KCNJ5: variants seen among roughly 807,000 people sequenced by gnomAD.
KCNJ5 encodes the protein G protein-activated inward rectifier potassium channel 4.
A neutral mutation model predicts 20.2 loss-of-function variants in KCNJ5; 12 were observed. The observed-to-expected ratio is 0.59, with a 90% confidence interval of 0.38 to 0.96. The LOEUF is 0.96. Among genes scored for constraint, KCNJ5 ranks in the 40% least tolerant of loss-of-function variants. The pLI is 0.00. For synonymous variants in KCNJ5, 210 were observed against 213.9 expected, an observed-to-expected ratio of 0.98 and a Z score of 0.16; for missense variants, 449 against 557.6, an observed-to-expected ratio of 0.81 and a Z score of 1.96.
At chr11:128,904,764 T>C (rs1944367601) in intron 1 of KCNJ5, among the ~76,000 whole-genome samples, 2 of 144,522 alleles carry the variant, frequency 1.4e-5, no homozygotes, top group Middle Eastern at 3.3e-3. Flanking sequence ...CGCTGACTAA[T>C]TGACTGAGTG....
chr11:128,916,833 G>A lies in KCNJ5; in HGVS notation c.*102G>A. On this transcript the variant is annotated 3_prime_UTR_variant, in exon 3 of 3. Coordinates refer to ENST00000529694, the MANE Select transcript of KCNJ5 (RefSeq NM_000890.5). ...GGGAATAGTTGAGTGTGCTGTTTGGGGGCTCAGGAGCCATCAAGGCTGTGG... is the reference window on the plus strand; with the variant it reads ...GGGAATAGTTGAGTGTGCTGTTTGGAGGCTCAGGAGCCATCAAGGCTGTGG... The A allele has an allele frequency of 1.1e-6, 1 of 900,612 alleles. No homozygotes were observed. Among genetic ancestry groups the A allele is most frequent in the South Asian group, 1.7e-5 (1 of 57,294 alleles). The allele number at this position is 900,612 out of a possible 1,614,324, so 55.8% of individuals were successfully genotyped here. A position where few individuals can be genotyped will look rare whatever the true frequency, so the allele number is the denominator to read the frequency against.
intron 1 of KCNJ5, chr11:128,903,300 G>A: frequency 6.4e-7 from 1 of 1,564,168 alleles, no homozygotes; most frequent in South Asian, 1.1e-5. Flanking sequence ...CCTACTAATT[G>A]CACGTGACCA....
chr11:128,903,256 T>C (rs1944322335), intron 1 of KCNJ5: 1 of 1,264,996 alleles, frequency 7.9e-7, no homozygotes, highest in African/African-American at 1.5e-5. Flanking sequence ...AATGAAGCTC[T>C]AAGACATCCC....
At chr11:128,904,516 C>T (rs756237818) in intron 1 of KCNJ5, 2 of 1,518,182 alleles carry the variant, frequency 1.3e-6, no homozygotes, top group South Asian at 1.1e-5. Context: ...GCGTCCAGGG[C>T]GGAGAGGTCG....
chr11:128,902,095 G>A lies in KCNJ5; in HGVS notation c.-10-9169G>A, dbSNP rs564266897. The A allele has an allele frequency of 5.4e-4, 91 of 170,016 alleles. No individual in the cohort carries two copies. In the South Asian group the frequency reaches 9.7e-3, roughly 18 times the overall value. 10.5% of individuals were successfully genotyped at this position (170,016 alleles called of 1,614,324 possible). On this transcript the variant is annotated intron_variant, in intron 1 of 2. Coordinates refer to ENST00000529694, the MANE Select transcript of KCNJ5 (RefSeq NM_000890.5). ...GGGGCATTCTGCTTCGAGAAGAGGC[G>A]GAAGAGCTGTGCATGCCTGGAGCCC...
chr11:128,912,797 C>T (rs1471145868), intron 2 of KCNJ5, among the ~76,000 whole-genome samples: 1 of 152,214 alleles, frequency 6.6e-6, no homozygotes, highest in Non-Finnish European at 1.5e-5. Context: ...GCGTGAGCCA[C>T]AGTGCCCAGC....
intron 1 of KCNJ5, chr11:128,904,603 A>T (rs1248190297): frequency 1.2e-6 from 1 of 806,232 alleles, no homozygotes; most frequent in Non-Finnish European, 2.2e-6. Flanking sequence ...GACTCTGGAA[A>T]CCCCAGACCT....
intron 1 of KCNJ5, among the ~76,000 whole-genome samples, chr11:128,892,381 G>C (rs148507442): frequency 6.6e-6 from 1 of 152,090 alleles, no homozygotes; most frequent in Non-Finnish European, 1.5e-5. Flanking sequence ...AGAGCTGTTG[G>C]CCCCCTGGTT....
intron 1 of KCNJ5, among the ~76,000 whole-genome samples, chr11:128,898,653 C>T (rs1381078070): frequency 6.6e-6 from 1 of 152,140 alleles, no homozygotes; most frequent in Non-Finnish European, 1.5e-5. Context: ...TTCTTTCATT[C>T]TCAACTCCTT....
chr11:128,913,085 G>A (rs1944526301), intron 2 of KCNJ5, among the ~76,000 whole-genome samples: 1 of 152,186 alleles, frequency 6.6e-6, no homozygotes, highest in South Asian at 2.1e-4. Flanking sequence ...CTTACCCACT[G>A]AGTCTCATCA....
At chr11:128,896,397 G>C (rs1944177426) in intron 1 of KCNJ5, among the ~76,000 whole-genome samples, 1 of 152,136 alleles carries the variant, frequency 6.6e-6, no homozygotes, top group Admixed American at 6.5e-5. Flanking sequence ...ATCACCAGGA[G>C]GACCTCTTAT....
rs952009599 is a variant in KCNJ5 at position 128,916,881 on chromosome 11, T to C, written c.*150T>C. The C allele has an allele frequency of 3.1e-6, 2 of 654,624 alleles. No homozygotes were observed. The highest frequency in any genetic ancestry group is 3.7e-5 in the African/African-American group (2 of 54,708). The allele number at this position is 654,624 out of a possible 1,614,324, so 40.6% of individuals were successfully genotyped here. On this transcript the variant is annotated 3_prime_UTR_variant, in exon 3 of 3. Coordinates refer to ENST00000529694, the MANE Select transcript of KCNJ5 (RefSeq NM_000890.5). Reference sequence around the variant, plus strand: ...TGGGGAGGAACCATAAACCCAGCCCTCACAGCTCCCAGCACAGGGCCTCCC... The same window carrying C: ...TGGGGAGGAACCATAAACCCAGCCCCCACAGCTCCCAGCACAGGGCCTCCC...
At chr11:128,892,728 A>G (rs528794132) in intron 1 of KCNJ5, among the ~76,000 whole-genome samples, 2 of 152,228 alleles carry the variant, frequency 1.3e-5, no homozygotes, top group Non-Finnish European at 2.9e-5. Flanking sequence ...CCTCGTTTTC[A>G]TCAAAAGCCA....
chr11:128,913,012 C>T (rs983286263), intron 2 of KCNJ5, among the ~76,000 whole-genome samples: 2 of 152,200 alleles, frequency 1.3e-5, no homozygotes, highest in Non-Finnish European at 1.5e-5. Flanking sequence ...GGTCAGATAG[C>T]TCTGGTAATC....
At position 128,911,354 on chromosome 11, in the gene KCNJ5, A is replaced by G. The variant is rs771040302; in HGVS notation, c.81A>G (p.Lys27=). 2 of 1,614,062 alleles carry G rather than the reference A, an allele frequency of 1.2e-6. No homozygotes were observed. Among genetic ancestry groups the G allele is most frequent in the African/African-American group, 2.7e-5 (2 of 74,914 alleles). ...CCTGGGACCCCAAGAAGATTCCAAA[A>G]CAGGCCCGCGATTATGTCCCCATTG... ...VTPWDPKKIP[K]QARDYVPIAT... The change falls in exon 2 of 3, where the codon AAA becomes AAG. Residue 27 remains lysine, a synonymous_variant. Transcript: ENST00000529694. The surrounding 1 kb of genome is among the most constrained non-coding windows in gnomAD (Gnocchi z 6.3).
rs149861510 is a variant in KCNJ5, at chr11:128,912,110, G to A, written c.837G>A (p.Glu279=). Residue 279 remains glutamate, a synonymous_variant, in exon 2 of 3, where the codon GAG becomes GAA. Coordinates refer to ENST00000529694, the MANE Select transcript of KCNJ5 (RefSeq NM_000890.5). ...TGTCTCCTCTGATCATCTCCCATGA[G>A]ATCAACCAGAAGAGCCCTTTCTGGG... ...FLVSPLIISH[E]INQKSPFWEM... is the part of the protein sequence containing the mutation. The A allele has an allele frequency of 1.6e-4, 252 of 1,613,634 alleles. No homozygotes were observed. The African/African-American group carries it at 3.0e-3, about 19-fold the overall frequency.
intron 1 of KCNJ5, among the ~76,000 whole-genome samples, chr11:128,898,035 T>A (rs1004032408): frequency 3.9e-5 from 6 of 152,258 alleles, no homozygotes; most frequent in African/African-American, 1.2e-4. Flanking sequence ...TACCACATAG[T>A]CTGGAGTTTC....
chr11:128,898,210 G>C (rs59210262), intron 1 of KCNJ5, among the ~76,000 whole-genome samples: 1 of 152,184 alleles, frequency 6.6e-6, no homozygotes, highest in East Asian at 1.9e-4. Flanking sequence ...GATTTTGATA[G>C]AAATTGCATT....
At chr11:128,897,313 G>A (rs140029368) in intron 1 of KCNJ5, among the ~76,000 whole-genome samples, 2,179 of 152,058 alleles carry the variant, frequency 0.014, 40 homozygotes, top group Middle Eastern at 0.027. Flanking sequence ...TGCCAGGCTG[G>A]TCTCGAACTC....
Sources: gnomAD v4.1 joint callset for allele counts (sites outside exome capture counted in the v4.1 genomes callset) on GRCh38, gnomAD v4.1.1 for gene constraint, Gnocchi (gnomAD v3.1) non-coding constraint, MANE v1.5 for transcripts, NCBI Gene and HGNC (gene_info 2026-07-23, HGNC 2026-07-21) for gene names.